RNGTT: variants seen among roughly 807,000 people sequenced by gnomAD.
RNGTT encodes mRNA-capping enzyme.
RNGTT carries 33 observed loss-of-function variants against 79.3 expected under a neutral mutation model. The observed-to-expected ratio is 0.42, with a 90% CI of 0.32 to 0.56. The LOEUF is 0.56. Ranked by LOEUF, RNGTT falls within the 20% of genes least tolerant of loss-of-function variation. The pLI, the probability that RNGTT is intolerant of heterozygous loss-of-function variation, is 0.17. For synonymous variants in RNGTT, 222 were observed against 235.9 expected, an observed-to-expected ratio of 0.94 and a Z score of 0.54; for missense variants, 497 against 739.1, an observed-to-expected ratio of 0.67 and a Z score of 3.80.
intron 11 of RNGTT, among the ~76,000 whole-genome samples, chr6:88,811,116 T>C (rs982889150): frequency 1.3e-5 from 2 of 152,234 alleles, no homozygotes; most frequent in Non-Finnish European, 2.9e-5. Context: ...AATCTTAATT[T>C]AGAAATGGTT....
At chr6:88,755,811 A>C (rs1413672482) in intron 13 of RNGTT, among the ~76,000 whole-genome samples, 1 of 151,832 alleles carries the variant, frequency 6.6e-6, no homozygotes, top group Non-Finnish European at 1.5e-5. Flanking sequence ...AAATGCAAAA[A>C]TTAGCCAGGC....
At chr6:88,902,690 CTTTTTTTTTT>C (rs71024315) in intron 6 of RNGTT, among the ~76,000 whole-genome samples, 61 of 82,710 alleles carry the variant, frequency 7.4e-4, no homozygotes, top group African/African-American at 2.9e-3. Flanking sequence ...ATAGTGAAAT[CTTTTTTTTTT>C]TTTTTTTTTT....
At chr6:88,716,427 G>C (rs1415223697) in intron 13 of RNGTT, among the ~76,000 whole-genome samples, 1 of 152,154 alleles carries the variant, frequency 6.6e-6, no homozygotes, top group Non-Finnish European at 1.5e-5. Flanking sequence ...CAGGGATCTA[G>C]AACTAGAAAT....
chr6:88,897,165 A>C (rs1309588063), intron 6 of RNGTT, among the ~76,000 whole-genome samples: 1 of 152,152 alleles, frequency 6.6e-6, no homozygotes, highest in African/African-American at 2.4e-5. Flanking sequence ...CTTCCTATTC[A>C]GCCTAGAACC....
chr6:88,709,050 C>T (rs549435223), intron 13 of RNGTT, among the ~76,000 whole-genome samples: 1 of 152,154 alleles, frequency 6.6e-6, no homozygotes, highest in Non-Finnish European at 1.5e-5. Flanking sequence ...TGGCTCACAC[C>T]TGTAATCCCA....
intron 14 of RNGTT, among the ~76,000 whole-genome samples, chr6:88,661,257 A>G (rs549182540): frequency 6.6e-6 from 1 of 152,182 alleles, no homozygotes; most frequent in Non-Finnish European, 1.5e-5. Flanking sequence ...CACCCCAAGA[A>G]ACTAGAGAAA....
chr6:88,789,678 G>C (rs1217149645), intron 12 of RNGTT, among the ~76,000 whole-genome samples: 1 of 152,112 alleles, frequency 6.6e-6, no homozygotes, highest in Non-Finnish European at 1.5e-5. Flanking sequence ...TAAACTTCTT[G>C]CTAAGTTTTA....
chr6:88,932,083 T>C (rs1202376225), intron 2 of RNGTT, among the ~76,000 whole-genome samples: 1 of 152,144 alleles, frequency 6.6e-6, no homozygotes, highest in East Asian at 1.9e-4. Context: ...GAAATATCAC[T>C]GAATTCTCTC....
chr6:88,885,091 G>A (rs1444940350), intron 8 of RNGTT, among the ~76,000 whole-genome samples: 1 of 151,640 alleles, frequency 6.6e-6, no homozygotes, highest in East Asian at 1.9e-4. Context: ...TACTGAAATA[G>A]ATATAGGTGT....
chr6:88,786,063 TACA>T (rs1483680584), intron 12 of RNGTT, among the ~76,000 whole-genome samples: 1 of 152,100 alleles, frequency 6.6e-6, no homozygotes, highest in Non-Finnish European at 1.5e-5. Context: ...AGTTAGTGGG[TACA>T]ACAAGAAAAG....
At chr6:88,807,044 G>C (rs1392678358) in intron 11 of RNGTT, among the ~76,000 whole-genome samples, 1 of 152,170 alleles carries the variant, frequency 6.6e-6, no homozygotes, top group Non-Finnish European at 1.5e-5. Context: ...TCATTGATGA[G>C]AACACATGGA....
chr6:88,648,926 A>C lies in RNGTT; in HGVS notation c.1506+29427T>G, dbSNP rs146257909. Among the ~76,000 whole-genome samples the C allele has an allele frequency of 4.6e-5, 7 of 152,330 alleles. No individual in the cohort carries two copies. In the East Asian group the frequency reaches 1.4e-3, roughly 29 times the overall value. On this transcript the variant is annotated intron_variant, in intron 14 of 15. Transcript: ENST00000369485. Reference sequence around the variant, plus strand: ...CAGATAAAATGTTACTAATCTTTATATGCCCAGTCTCCACCAAAGTGTCTT... The same window carrying C: ...CAGATAAAATGTTACTAATCTTTATCTGCCCAGTCTCCACCAAAGTGTCTT...
At chr6:88,877,968 G>T (rs1367314901) in intron 8 of RNGTT, among the ~76,000 whole-genome samples, 1 of 152,048 alleles carries the variant, frequency 6.6e-6, no homozygotes, top group East Asian at 1.9e-4. Context: ...AAGAGTTTTG[G>T]TTATCACCAG....
intron 1 of RNGTT, among the ~76,000 whole-genome samples, chr6:88,951,391 C>A (rs760442407): frequency 6.6e-6 from 1 of 152,112 alleles, no homozygotes; most frequent in Non-Finnish European, 1.5e-5. Flanking sequence ...ATTGACTCCA[C>A]CCCTGAAGAA....
rs763392387 is a variant in RNGTT at position 88,904,672 on chromosome 6, A to G, written c.684+43T>C. The G allele has an allele frequency of 6.5e-6, 10 of 1,533,330 alleles. No individual in the cohort carries two copies. The East Asian group carries it at 2.3e-4, about 35-fold the overall frequency. The allele number at this position is 1,533,330 out of a possible 1,614,324, so 95.0% of individuals were successfully genotyped here. On this transcript the variant is annotated intron_variant, in intron 6 of 15. Coordinates refer to ENST00000369485, the MANE Select transcript of RNGTT (RefSeq NM_003800.5). The stretch of plus-strand genomic sequence containing the variant: ...TTTATAAATCTCAATAAGCTTGCAG[A>G]AAAAGGAAAAAAAAAACCTATTATA...
At chr6:88,849,646 G>A (rs1275029917) in intron 10 of RNGTT, 109 bp downstream of exon 10, 8 of 982,032 alleles carry the variant, frequency 8.1e-6, no homozygotes, top group South Asian at 2.7e-5. Flanking sequence ...AGTAACCTGA[G>A]TCACAAATTT....
At chr6:88,771,198 A>G (rs1778646213) in intron 12 of RNGTT, among the ~76,000 whole-genome samples, 1 of 150,416 alleles carries the variant, frequency 6.6e-6, no homozygotes, top group Non-Finnish European at 1.5e-5. Context: ...ATTTTCTACT[A>G]TGTTTTCTTA....
At chr6:88,763,629 T>C (rs1273613280) in intron 13 of RNGTT, among the ~76,000 whole-genome samples, 2 of 152,212 alleles carry the variant, frequency 1.3e-5, no homozygotes, top group South Asian at 2.1e-4. Flanking sequence ...TTTGTACTTA[T>C]TAAGAGTGAT....
At chr6:88,637,553 T>TTTCTGGAAATGTA (rs1381409849) in intron 14 of RNGTT, among the ~76,000 whole-genome samples, 1 of 152,102 alleles carries the variant, frequency 6.6e-6, no homozygotes, top group Non-Finnish European at 1.5e-5. Context: ...CAACCTACGC[T>TTTCTGGAAATGTA]TTCTGGAAAT....
Sources: gnomAD v4.1 joint callset for allele counts (sites outside exome capture counted in the v4.1 genomes callset) on GRCh38, gnomAD v4.1.1 for gene constraint, MANE v1.5 for transcripts, NCBI Gene and HGNC (gene_info 2026-07-23, HGNC 2026-07-21) for gene names.